The following ASTN2 variants were observed in gnomAD, a reference collection of about 807,000 sequenced individuals.
ASTN2 encodes the protein astrotactin-2.
In ASTN2, 54 loss-of-function variants were observed where a neutral mutation model predicts 139.8. That is an observed-to-expected ratio of 0.39 (90% CI 0.31 to 0.48). The LOEUF (loss-of-function observed/expected upper bound fraction) is 0.48, where lower values mean the gene tolerates loss of function less well. Among genes scored for constraint, ASTN2 ranks in the 20% least tolerant of loss-of-function variants. The probability of loss-of-function intolerance (pLI) is 0.95; values close to 1 mark genes in which losing one functional copy is unlikely to be tolerated. For synonymous variants in ASTN2, 756 were observed against 719.5 expected, an observed-to-expected ratio of 1.05 and a Z score of -0.81; for missense variants, 1,565 against 1,725.1, an observed-to-expected ratio of 0.91 and a Z score of 1.64.
intron 4 of ASTN2, among the ~76,000 whole-genome samples, chr9:117,119,229 C>A (rs531263742): frequency 6.6e-6 from 1 of 152,330 alleles, no homozygotes; most frequent in East Asian, 1.9e-4. Context: ...GGTTTGAAAA[C>A]ATCTTGCAAA....
Position 116,699,415 on chromosome 9 carries a change from A to G in ASTN2, c.2806+26356T>C, listed in dbSNP as rs1861059634. The stretch of plus-strand genomic sequence containing the variant: ...TTTTCCATTGGCTCTGTAGGCCCTG[A>G]TGGGCAGCTGGGTCGCCAGATTAGC... On this transcript the variant is annotated intron_variant, in intron 16 of 22. Coordinates refer to ENST00000313400, the MANE Select transcript of ASTN2 (RefSeq NM_001365068.1). This position sits in a 1 kb window ranked among gnomAD's most constrained non-coding sequence, Gnocchi z 4.2. The G allele has an allele frequency of 1.2e-6, 2 of 1,613,960 alleles. No homozygotes were observed. Among genetic ancestry groups the G allele is most frequent in the Non-Finnish European group, 8.5e-7 (1 of 1,180,010 alleles).
chr9:116,470,237 G>C (rs1483166103), intron 20 of ASTN2, among the ~76,000 whole-genome samples: 1 of 152,032 alleles, frequency 6.6e-6, no homozygotes, highest in Admixed American at 6.6e-5. Context: ...AAAATAAAAA[G>C]ATTTAGGCTG....
At chr9:116,447,576 C>A (rs1390029525) in intron 20 of ASTN2, among the ~76,000 whole-genome samples, 3 of 152,128 alleles carry the variant, frequency 2.0e-5, no homozygotes, top group Non-Finnish European at 4.4e-5. Flanking sequence ...AAAGGCATGG[C>A]TTTGGGATCA....
At chr9:116,565,371 CTCTCTCTCTCTCTCTCCATATA>C (rs1853139066) in intron 19 of ASTN2, among the ~76,000 whole-genome samples, 1 of 28,324 alleles carries the variant, frequency 3.5e-5, no homozygotes, top group Non-Finnish European at 5.9e-5. Context: ...CTCTCTCTCT[CTCTCTCTCTCTCTCTCCATATA>C]TATATATATA....
At chr9:117,288,037 C>G (rs1246555259) in intron 2 of ASTN2, among the ~76,000 whole-genome samples, 1 of 152,188 alleles carries the variant, frequency 6.6e-6, no homozygotes, top group Non-Finnish European at 1.5e-5. Context: ...AGACTATATT[C>G]AGAGCCAGGT....
intron 1 of ASTN2, among the ~76,000 whole-genome samples, chr9:117,320,580 T>C (rs1016768347): frequency 6.6e-6 from 1 of 152,114 alleles, no homozygotes; most frequent in Non-Finnish European, 1.5e-5. Context: ...ATATCCCAAG[T>C]TGGTCTAACT....
chr9:116,894,403 G>A (rs1833835413), intron 10 of ASTN2, among the ~76,000 whole-genome samples: 2 of 152,186 alleles, frequency 1.3e-5, no homozygotes, highest in Non-Finnish European at 2.9e-5. Flanking sequence ...ATAGGAGCCA[G>A]TACCCCACTA....
At chr9:116,813,612 T>A (rs1031024013) in intron 12 of ASTN2, among the ~76,000 whole-genome samples, 2 of 152,232 alleles carry the variant, frequency 1.3e-5, no homozygotes, top group Admixed American at 6.5e-5. Flanking sequence ...AAGCAAAGTA[T>A]TTCTTTTTCT....
chr9:117,174,491 T>C (rs1369206925), intron 3 of ASTN2, among the ~76,000 whole-genome samples: 1 of 151,992 alleles, frequency 6.6e-6, no homozygotes, highest in African/African-American at 2.4e-5. Context: ...TTATGAGATA[T>C]ACCCACTTCA....
chr9:116,425,391 G>T lies in ASTN2; in HGVS notation c.*460C>A. 1 of 637,282 alleles carries T rather than the reference G, an allele frequency of 1.6e-6. No homozygotes were observed. Among genetic ancestry groups the T allele is most frequent in the Non-Finnish European group, 2.8e-6 (1 of 357,568 alleles). The allele number at this position is 637,282 out of a possible 1,614,324, so 39.5% of individuals were successfully genotyped here. A position where few individuals can be genotyped will look rare whatever the true frequency, so the allele number is the denominator to read the frequency against. On this transcript the variant is annotated 3_prime_UTR_variant, in exon 23 of 23. Transcript: ENST00000313400. ...CTTCCTCACTGCAACCATCCTCAGA[G>T]CTTCCTTCCTGGTGCTGAAGAGGTC... is the stretch of plus-strand genomic sequence containing the variant.
intron 19 of ASTN2, among the ~76,000 whole-genome samples, chr9:116,538,306 GA>G (rs1851732562): frequency 6.6e-6 from 1 of 151,346 alleles, no homozygotes; most frequent in African/African-American, 2.4e-5. Flanking sequence ...GGAAGGGAAT[GA>G]GGAAGAAAGG....
chr9:116,783,796 T>C (rs1218026391), intron 13 of ASTN2, among the ~76,000 whole-genome samples: 1 of 152,108 alleles, frequency 6.6e-6, no homozygotes, highest in Non-Finnish European at 1.5e-5. Context: ...AGGTTCCTAA[T>C]ACATGAGCAC....
chr9:116,661,270 A>G (rs546187641), intron 16 of ASTN2, among the ~76,000 whole-genome samples: 92 of 152,252 alleles, frequency 6.0e-4, no homozygotes, highest in African/African-American at 2.1e-3. Context: ...CCTACTTAAG[A>G]TGATTGCTCT....
At chr9:116,600,341 A>AG (rs1854820302) in intron 19 of ASTN2, among the ~76,000 whole-genome samples, 3 of 119,022 alleles carry the variant, frequency 2.5e-5, no homozygotes, top group African/African-American at 8.7e-5. Context: ...AAAAAAAAAA[A>AG]AAAAAAGAAA....
At chr9:116,558,591 T>C (rs946950362) in intron 19 of ASTN2, among the ~76,000 whole-genome samples, 12 of 152,128 alleles carry the variant, frequency 7.9e-5, no homozygotes, top group Admixed American at 5.2e-4. Flanking sequence ...CTCAGAGAAG[T>C]AGACTCAAGC....
At chr9:116,692,868 C>A (rs562106957) in intron 16 of ASTN2, among the ~76,000 whole-genome samples, 1 of 152,202 alleles carries the variant, frequency 6.6e-6, no homozygotes, top group South Asian at 2.1e-4. Context: ...GAGATTGCTA[C>A]GAATTCTAGC....
chr9:116,526,984 G>A (rs1226356786), intron 19 of ASTN2, among the ~76,000 whole-genome samples: 4 of 152,162 alleles, frequency 2.6e-5, no homozygotes, highest in Non-Finnish European at 5.9e-5. Flanking sequence ...GGGAAAGCTG[G>A]ATATTGACAT....
intron 5 of ASTN2, among the ~76,000 whole-genome samples, chr9:117,074,645 G>A (rs1322188669): frequency 1.3e-5 from 2 of 152,318 alleles, no homozygotes; most frequent in Admixed American, 1.3e-4. Flanking sequence ...TGGGGTGGAA[G>A]TGGCTGCAGC....
At chr9:117,055,877 A>C (rs1459134032) in intron 5 of ASTN2, among the ~76,000 whole-genome samples, 1 of 152,240 alleles carries the variant, frequency 6.6e-6, no homozygotes, top group African/African-American at 2.4e-5. Context: ...GGTAAATGTT[A>C]TGCAATGCCA....
Sources: allele counts gnomAD v4.1 joint callset (sites outside exome capture counted in the v4.1 genomes callset), GRCh38; gene constraint gnomAD v4.1.1; non-coding constraint Gnocchi (gnomAD v3.1); transcripts MANE v1.5; gene names NCBI Gene and HGNC (gene_info 2026-07-23, HGNC 2026-07-21).